LRRC2: variants seen among roughly 807,000 people sequenced by gnomAD.
LRRC2 encodes leucine rich repeat containing 2.
A neutral mutation model predicts 40.2 loss-of-function variants in LRRC2; 27 were observed. The observed-to-expected ratio is 0.67, with a 90% confidence interval of 0.49 to 0.93. The LOEUF (loss-of-function observed/expected upper bound fraction) is 0.93, where lower values mean the gene tolerates loss of function less well. Among genes scored for constraint, LRRC2 ranks in the 40% least tolerant of loss-of-function variants. The pLI is 0.00. For missense variants in LRRC2, 402 were observed against 439.6 expected, an observed-to-expected ratio of 0.91 and a Z score of 0.76; for synonymous variants, 147 against 158.9, an observed-to-expected ratio of 0.92 and a Z score of 0.56.
At chr3:46,561,164 G>A (rs1704930788) in intron 1 of LRRC2, among the ~76,000 whole-genome samples, 2 of 152,044 alleles carry the variant, frequency 1.3e-5, no homozygotes, top group Admixed American at 6.6e-5. Flanking sequence ...CATGTTTCAT[G>A]TCCAGCTGCT....
intron 4 of LRRC2, among the ~76,000 whole-genome samples, chr3:46,538,374 C>T (rs1704310721): frequency 6.6e-6 from 1 of 152,268 alleles, no homozygotes; most frequent in East Asian, 1.9e-4. Flanking sequence ...GTGGCTCATG[C>T]CTGTAATCCC....
intron 5 of LRRC2, 27 bp downstream of exon 5, chr3:46,532,746 C>T (rs371699220): frequency 1.9e-5 from 30 of 1,604,110 alleles, no homozygotes; most frequent in Admixed American, 8.6e-5. Flanking sequence ...AAAAGTGAAT[C>T]GTAGTACAGA....
At chr3:46,554,668 A>G (rs1704748514) in intron 1 of LRRC2, among the ~76,000 whole-genome samples, 1 of 151,836 alleles carries the variant, frequency 6.6e-6, no homozygotes, top group Non-Finnish European at 1.5e-5. Context: ...GAAGAAGAAG[A>G]ATTGTTTTAC....
intron 2 of LRRC2, among the ~76,000 whole-genome samples, chr3:46,546,045 G>A (rs1192394822): frequency 6.6e-6 from 1 of 152,200 alleles, no homozygotes; most frequent in Non-Finnish European, 1.5e-5. Flanking sequence ...GCCCACCTTT[G>A]ATAGGGGCTT....
intron 2 of LRRC2, among the ~76,000 whole-genome samples, chr3:46,550,744 C>A (rs958999954): frequency 1.3e-5 from 2 of 152,188 alleles, no homozygotes; most frequent in African/African-American, 4.8e-5. Context: ...CATTGGCCAA[C>A]TTGATGTAGG....
Position 46,518,754 on chromosome 3 carries a change from T to C in LRRC2, c.*260A>G, listed in dbSNP as rs558343734. 1 of 392,908 alleles carries C rather than the reference T, an allele frequency of 2.5e-6. No individual in the cohort carries two copies. The highest frequency in any genetic ancestry group is 7.9e-5 in the South Asian group (1 of 12,598). 24.3% of individuals were successfully genotyped at this position (392,908 alleles called of 1,614,324 possible). ...TAAAAATAAGACATTTTAAAACATA[T>C]TAAATGTGCATTATTTGGAAAAAAG... On this transcript the variant is annotated 3_prime_UTR_variant, in exon 9 of 9. Transcript: ENST00000395905.
At chr3:46,544,443 C>T (rs1704481061) in intron 3 of LRRC2, among the ~76,000 whole-genome samples, 2 of 152,200 alleles carry the variant, frequency 1.3e-5, no homozygotes, top group Admixed American at 6.5e-5. Flanking sequence ...TGCACTCCAG[C>T]CTGGGTGACA....
chr3:46,557,630 T>G (rs1348022165), intron 1 of LRRC2: 1 of 152,282 alleles, frequency 6.6e-6, no homozygotes, highest in Non-Finnish European at 1.5e-5. Flanking sequence ...TTATATCTTC[T>G]GTTTCTTTGT....
intron 1 of LRRC2, chr3:46,557,714 G>A (rs1704839823): frequency 6.6e-6 from 1 of 152,224 alleles, no homozygotes; most frequent in Non-Finnish European, 1.5e-5. Context: ...ACTTGGAAGG[G>A]GTTCAGCCCA....
At chr3:46,542,530 GAA>G (rs200309007) in intron 3 of LRRC2, among the ~76,000 whole-genome samples, 112 of 132,518 alleles carry the variant, frequency 8.5e-4, no homozygotes, top group African/African-American at 2.6e-3. Context: ...AAGAAGAAAA[GAA>G]AAAAAAAAAA....
intron 7 of LRRC2, among the ~76,000 whole-genome samples, chr3:46,527,022 G>GTACTC (rs1704070961): frequency 6.6e-6 from 1 of 152,190 alleles, no homozygotes; most frequent in African/African-American, 2.4e-5. Flanking sequence ...ACATTTGCAT[G>GTACTC]GATGGTTTTT....
Position 46,530,062 on chromosome 3 carries a change from T to A in LRRC2, c.628-12A>T. ...TTCAAATTACTTAACTAGAAATGAA[T>A]AACAAAATGTTCTAATTACTTTTAT... On this transcript the variant is annotated splice_polypyrimidine_tract_variant and intron_variant, in intron 5 of 8. Transcript: ENST00000395905. 6.3e-7 allele frequency: 1 copy of A among 1,589,572 alleles called. No homozygotes were observed. Among genetic ancestry groups the A allele is most frequent in the Non-Finnish European group, 8.6e-7 (1 of 1,158,112 alleles).
intron 4 of LRRC2, among the ~76,000 whole-genome samples, chr3:46,533,801 T>C (rs1312347441): frequency 1.6e-5 from 2 of 125,258 alleles, no homozygotes; most frequent in Admixed American, 7.9e-5. Flanking sequence ...CTTTCTTTGT[T>C]TCTTTCTTTC....
chr3:46,532,110 A>G (rs935536799), intron 5 of LRRC2, among the ~76,000 whole-genome samples: 1 of 152,226 alleles, frequency 6.6e-6, no homozygotes, highest in African/African-American at 2.4e-5. Flanking sequence ...CTATGAGTAT[A>G]TAAAAAATTT....
rs755594948 is a variant in LRRC2, at chr3:46,545,143, A to G, written c.236T>C (p.Ile79Thr). Residue 79 changes from isoleucine (I) to threonine (T), a missense_variant, in exon 3 of 9, where the codon ATT becomes ACT. Coordinates refer to ENST00000395905, the MANE Select transcript of LRRC2 (RefSeq NM_024512.5). The part of the protein sequence containing the change: ...IDTSVRLLDK[I>T]ERNTLTRQSS... ...CTGCCTTGTGAGAGTGTTCCTTTCAATCTTGTCCAGAAGCCGCACGCTGGT... is the reference window on the plus strand; with the variant it reads ...CTGCCTTGTGAGAGTGTTCCTTTCAGTCTTGTCCAGAAGCCGCACGCTGGT... 4 of 1,614,138 alleles carry G rather than the reference A, an allele frequency of 2.5e-6. No individual in the cohort carries two copies. The South Asian group carries it at 3.3e-5, about 13-fold the overall frequency.
intron 4 of LRRC2, among the ~76,000 whole-genome samples, chr3:46,537,157 ACCCTGTC>A (rs1361359573): frequency 6.6e-6 from 1 of 152,094 alleles, no homozygotes; most frequent in Non-Finnish European, 1.5e-5. Flanking sequence ...ACAGGGTCTC[ACCCTGTC>A]ACCCAGGCTG....
At chr3:46,519,163 C>T (rs1703921280) in intron 8 of LRRC2, 100 bp from the exon 9 acceptor site, 1 of 800,516 alleles carries the variant, frequency 1.2e-6, no homozygotes, top group African/African-American at 1.7e-5. Flanking sequence ...TCAATACACC[C>T]ATTATTGTCA....
At position 46,551,513 on chromosome 3, in the gene LRRC2, A is replaced by T; in HGVS notation, c.79T>A (p.Trp27Arg). 1 of 1,614,128 alleles carries T rather than the reference A, an allele frequency of 6.2e-7. No individual in the cohort carries two copies. Among genetic ancestry groups the T allele is most frequent in the Non-Finnish European group, 8.5e-7 (1 of 1,179,988 alleles). The change falls in exon 2 of 9, where the codon TGG (tryptophan) becomes AGG (arginine). Residue 27 changes from tryptophan (W) to arginine (R), a missense_variant. By Grantham distance (101) the Trp-to-Arg change is moderately radical. Transcript: ENST00000395905. ...WETRVKKHKA[W>R]QKKEVERLEK... The stretch of plus-strand genomic sequence containing the variant: ...AGCCTTTCCACCTCCTTCTTCTGCC[A>T]AGCTTTGTGCTTCTTGACACGAGTT...
At chr3:46,559,967 T>C (rs1188521715) in intron 1 of LRRC2, among the ~76,000 whole-genome samples, 1 of 151,978 alleles carries the variant, frequency 6.6e-6, no homozygotes, top group Non-Finnish European at 1.5e-5. Flanking sequence ...TAATGAAAAC[T>C]GGAGACTAAG....
Sources: gnomAD v4.1 joint callset for allele counts (sites outside exome capture counted in the v4.1 genomes callset) on GRCh38, gnomAD v4.1.1 for gene constraint, MANE v1.5 for transcripts, NCBI Gene and HGNC (gene_info 2026-07-23, HGNC 2026-07-21) for gene names.